Variants in MCU observed in about 807,000 individuals in gnomAD.
MCU encodes calcium uniporter protein, mitochondrial.
Under a neutral mutation model 45.2 loss-of-function variants are expected in MCU, and 12 were observed. The observed-to-expected ratio is 0.27, with a 90% CI of 0.17 to 0.43. The LOEUF (loss-of-function observed/expected upper bound fraction) is 0.43, where lower values mean the gene tolerates loss of function less well. Ranked by LOEUF, MCU falls within the 20% of genes least tolerant of loss-of-function variation. The pLI, the probability that MCU is intolerant of heterozygous loss-of-function variation, is 1.00. For missense variants in MCU, 324 were observed against 436.7 expected (o/e 0.74, Z 2.30); for synonymous variants, 160 against 165.1 (o/e 0.97, Z 0.24).
chr10:72,841,458 T>C (rs1332591369), intron 2 of MCU, among the ~76,000 whole-genome samples: 1 of 152,122 alleles, frequency 6.6e-6, no homozygotes, highest in Admixed American at 6.6e-5. Flanking sequence ...CCACCATGCC[T>C]GGCTAATTCT....
intron 2 of MCU, among the ~76,000 whole-genome samples, chr10:72,844,581 A>T (rs1328414262): frequency 2.0e-5 from 3 of 152,076 alleles, no homozygotes; most frequent in East Asian, 1.9e-4. Context: ...AAAAATATAT[A>T]TATATAGATA....
At chr10:72,728,817 T>C (rs1287272084) in intron 1 of MCU, among the ~76,000 whole-genome samples, 1 of 152,216 alleles carries the variant, frequency 6.6e-6, no homozygotes, top group Admixed American at 6.5e-5. Flanking sequence ...AAGAAAGGCA[T>C]TCCTGTGTTG....
At chr10:72,845,278 T>G (rs1196797208) in intron 2 of MCU, among the ~76,000 whole-genome samples, 1 of 152,062 alleles carries the variant, frequency 6.6e-6, no homozygotes, top group Admixed American at 6.6e-5. Context: ...GAGTAAAATG[T>G]GAAACACAAG....
chr10:72,870,345 C>T (rs1845521720), intron 5 of MCU, among the ~76,000 whole-genome samples: 1 of 152,160 alleles, frequency 6.6e-6, no homozygotes, highest in African/African-American at 2.4e-5. Context: ...GTGGCACGAT[C>T]TCGGCTCACT....
At chr10:72,831,749 T>C (rs1319959285) in intron 1 of MCU, among the ~76,000 whole-genome samples, 1 of 152,162 alleles carries the variant, frequency 6.6e-6, no homozygotes, top group African/African-American at 2.4e-5. Flanking sequence ...TTGAAGGAAC[T>C]GAGGGAGCCA....
At chr10:72,821,041 A>G (rs1291232255) in intron 1 of MCU, among the ~76,000 whole-genome samples, 1 of 152,054 alleles carries the variant, frequency 6.6e-6, no homozygotes, top group East Asian at 1.9e-4. Flanking sequence ...TTCAGTGCCC[A>G]TTCTGCTAAC....
chr10:72,859,041 G>A lies in MCU; in HGVS notation c.221-136G>A. The A allele has an allele frequency of 6.7e-6, 5 of 751,284 alleles. No individual in the cohort carries two copies. In the South Asian group the frequency reaches 1.1e-4, roughly 17 times the overall value. 46.5% of individuals were successfully genotyped at this position (751,284 alleles called of 1,614,324 possible). A position where few individuals can be genotyped will look rare whatever the true frequency, so the allele number is the denominator to read the frequency against. ...AGAATAACCTTCAACTAAAGCTAAA[G>A]GGCATGTTCTTAAACCTTCTTTGAA... On this transcript the variant is annotated intron_variant, in intron 2 of 7. Coordinates refer to ENST00000373053, the MANE Select transcript of MCU (RefSeq NM_138357.3).
chr10:72,881,678 G>A (rs1845703630), intron 6 of MCU, among the ~76,000 whole-genome samples: 1 of 152,198 alleles, frequency 6.6e-6, no homozygotes. Context: ...GTAAGAAAGT[G>A]ACAGACTCCA....
chr10:72,770,424 A>T (rs942377811), intron 1 of MCU, among the ~76,000 whole-genome samples: 2 of 152,098 alleles, frequency 1.3e-5, no homozygotes, highest in African/African-American at 4.8e-5. Flanking sequence ...AATTCATGTG[A>T]AATATCAAAA....
intron 1 of MCU, among the ~76,000 whole-genome samples, chr10:72,765,653 G>T (rs1162553063): frequency 4.6e-5 from 7 of 151,660 alleles, no homozygotes; most frequent in Non-Finnish European, 1.0e-4. Context: ...ATATAGCCAG[G>T]CATGGTGGCA....
intron 1 of MCU, among the ~76,000 whole-genome samples, chr10:72,828,456 CTT>C (rs1844829851): frequency 6.6e-6 from 1 of 152,108 alleles, no homozygotes; most frequent in Non-Finnish European, 1.5e-5. Context: ...CTTTCCCTCT[CTT>C]TCTCTTTCTC....
intron 4 of MCU, among the ~76,000 whole-genome samples, chr10:72,863,486 A>C (rs370633138): frequency 6.6e-6 from 1 of 152,348 alleles, no homozygotes; most frequent in East Asian, 1.9e-4. Flanking sequence ...GATATTCTTT[A>C]AATACAGTTG....
At chr10:72,733,293 C>A (rs1335345892) in intron 1 of MCU, among the ~76,000 whole-genome samples, 3 of 152,130 alleles carry the variant, frequency 2.0e-5, no homozygotes, top group African/African-American at 4.8e-5. Flanking sequence ...CCCATCTCTA[C>A]TAAAGATACA....
At chr10:72,808,218 C>T (rs1844481604) in intron 1 of MCU, among the ~76,000 whole-genome samples, 1 of 152,178 alleles carries the variant, frequency 6.6e-6, no homozygotes, top group Non-Finnish European at 1.5e-5. Context: ...TTTCTCTTGT[C>T]TTTGGCTTCT....
chr10:72,805,481 A>G lies in MCU; in HGVS notation c.151-28878A>G, dbSNP rs374190479. On this transcript the variant is annotated intron_variant, in intron 1 of 7. Coordinates refer to ENST00000373053, the MANE Select transcript of MCU (RefSeq NM_138357.3). ...CCAGGGTGGTTGAACTCCCAAGCTC[A>G]GGCAATCCGCCCACCTCAGCCTCCC... is the stretch of plus-strand genomic sequence containing the variant. Among the ~76,000 whole-genome samples the G allele has an allele frequency of 2.0e-3, 306 of 152,078 alleles. 1 individual carries two copies. Among genetic ancestry groups the G allele is most frequent in the African/African-American group, 6.9e-3 (288 of 41,492 alleles).
At chr10:72,863,141 T>A (rs1015519313) in intron 4 of MCU, among the ~76,000 whole-genome samples, 9 of 152,324 alleles carry the variant, frequency 5.9e-5, no homozygotes, top group African/African-American at 1.9e-4. Context: ...GCCTAAGATG[T>A]CTTTCTTCCT....
intron 1 of MCU, among the ~76,000 whole-genome samples, chr10:72,785,155 G>A (rs1008952000): frequency 2.6e-5 from 4 of 152,202 alleles, no homozygotes; most frequent in Non-Finnish European, 5.9e-5. Context: ...CACAGTCGGC[G>A]AAGCAAGTGG....
In MCU at chr10:72,856,986, G is replaced by T. The variant is rs151200471; in HGVS notation, c.221-2191G>T. Among the ~76,000 whole-genome samples, 872 of 149,444 alleles carry T rather than the reference G, an allele frequency of 5.8e-3. 11 individuals are homozygous for T. The highest frequency in any genetic ancestry group is 0.02 in the African/African-American group (822 of 40,536). On this transcript the variant is annotated intron_variant, in intron 2 of 7. Coordinates refer to ENST00000373053, the MANE Select transcript of MCU (RefSeq NM_138357.3). ...TTTAGACATGGGGTCCCACTCGGTT[G>T]CTCAGGCTGGAGTGCAGTGGCACAA...
At chr10:72,871,100 A>G (rs1845535707) in intron 5 of MCU, among the ~76,000 whole-genome samples, 1 of 151,952 alleles carries the variant, frequency 6.6e-6, no homozygotes, top group African/African-American at 2.4e-5. Flanking sequence ...GGATTTCGCC[A>G]TGTCGCCCAG....
Sources: gnomAD v4.1 joint callset for allele counts (sites outside exome capture counted in the v4.1 genomes callset) on GRCh38, gnomAD v4.1.1 for gene constraint, MANE v1.5 for transcripts, NCBI Gene and HGNC (gene_info 2026-07-23, HGNC 2026-07-21) for gene names.